The following OPCML variants were observed in gnomAD, a reference collection of about 807,000 sequenced individuals.
The protein encoded by OPCML is opioid binding protein/cell adhesion molecule like, also known as opioid-binding protein/cell adhesion molecule.
In OPCML, 13 loss-of-function variants were observed where a neutral mutation model predicts 37.8. That is an observed-to-expected ratio of 0.34 (90% CI 0.22 to 0.55). The LOEUF (loss-of-function observed/expected upper bound fraction) is 0.55, where lower values mean the gene tolerates loss of function less well. OPCML is among the 20% of genes least tolerant of loss of function. The pLI, the probability that OPCML is intolerant of heterozygous loss-of-function variation, is 0.91. For synonymous variants in OPCML, 176 were observed against 168.8 expected, an observed-to-expected ratio of 1.04 and a Z score of -0.33; for missense variants, 341 against 435.6, an observed-to-expected ratio of 0.78 and a Z score of 1.93.
At chr11:133,078,759 G>C (rs760763294) in intron 1 of OPCML, among the ~76,000 whole-genome samples, 22 of 152,098 alleles carry the variant, frequency 1.4e-4, no homozygotes, top group Non-Finnish European at 2.8e-4. Context: ...AGGCACAAGA[G>C]GGCGCTCCGT....
At chr11:132,730,564 G>A (rs974596875) in intron 2 of OPCML, among the ~76,000 whole-genome samples, 1 of 152,270 alleles carries the variant, frequency 6.6e-6, no homozygotes, top group East Asian at 1.9e-4. Flanking sequence ...CCCTGGAGAA[G>A]CACCTGAGTG....
intron 2 of OPCML, among the ~76,000 whole-genome samples, chr11:132,680,030 A>G (rs1942871311): frequency 6.6e-6 from 1 of 152,168 alleles, no homozygotes; most frequent in South Asian, 2.1e-4. Context: ...TTGTGAATGC[A>G]AGATGCTTTA....
At chr11:132,834,339 G>A (rs904576302) in intron 2 of OPCML, among the ~76,000 whole-genome samples, 2 of 152,164 alleles carry the variant, frequency 1.3e-5, no homozygotes, top group Non-Finnish European at 2.9e-5. Context: ...TCCCTCCCCA[G>A]TCCGCGAATG....
chr11:132,505,560 A>G (rs2137147793), intron 4 of OPCML, among the ~76,000 whole-genome samples: 1 of 152,302 alleles, frequency 6.6e-6, no homozygotes, highest in Non-Finnish European at 1.5e-5. Context: ...CGAAGAAGAA[A>G]AGTTGTTGAG....
chr11:132,600,062 A>T (rs954942130), intron 3 of OPCML, among the ~76,000 whole-genome samples: 2 of 152,202 alleles, frequency 1.3e-5, no homozygotes, highest in Non-Finnish European at 1.5e-5. Flanking sequence ...TATGGGCAGG[A>T]TCTGGAGCCC....
chr11:133,272,605 G>T (rs1021317841), intron 1 of OPCML, among the ~76,000 whole-genome samples: 1 of 152,196 alleles, frequency 6.6e-6, no homozygotes. Context: ...TCGGGGCAGG[G>T]TATGAGGCAA....
In OPCML at chr11:132,418,680, T is replaced by G. The variant is rs1340466823; in HGVS notation, c.*1513A>C. ...TTTACTGGATAGTTTTCAAACAGAT[T>G]AAACCAGAACTGGAGCAGAAAGGAG... is the stretch of plus-strand genomic sequence containing the variant. On this transcript the variant is annotated 3_prime_UTR_variant, in exon 8 of 8. Transcript: ENST00000524381. The G allele has an allele frequency of 6.6e-6, 1 of 152,478 alleles. No homozygotes were observed. The highest frequency in any genetic ancestry group is 1.5e-5 in the Non-Finnish European group (1 of 68,050). 9.4% of individuals were successfully genotyped at this position (152,478 alleles called of 1,614,324 possible). A position where few individuals can be genotyped will look rare whatever the true frequency, so the allele number is the denominator to read the frequency against.
chr11:132,938,611 A>G, intron 2 of OPCML, among the ~76,000 whole-genome samples: 1 of 152,184 alleles, frequency 6.6e-6, no homozygotes, highest in East Asian at 1.9e-4. Flanking sequence ...CAGTTATAAT[A>G]GATATTGTTC....
At chr11:133,002,648 G>C (rs900183030) in intron 1 of OPCML, among the ~76,000 whole-genome samples, 1 of 152,090 alleles carries the variant, frequency 6.6e-6, no homozygotes, top group African/African-American at 2.4e-5. Context: ...ATAATCATAA[G>C]GCTATTCTTC....
chr11:133,106,322 A>G (rs753292614), intron 1 of OPCML, among the ~76,000 whole-genome samples: 9 of 152,252 alleles, frequency 5.9e-5, no homozygotes, highest in Non-Finnish European at 1.3e-4. Flanking sequence ...CTAGAAGGCA[A>G]GCATTGCACC....
chr11:133,427,260 T>A (rs79421202), intron 1 of OPCML, among the ~76,000 whole-genome samples: 4 of 152,082 alleles, frequency 2.6e-5, no homozygotes, highest in Middle Eastern at 6.8e-3. Flanking sequence ...ACTGATCACA[T>A]TTTTTGACCA....
rs1232157598 is a variant in OPCML at position 133,206,081 on chromosome 11, T to A, written c.62-263071A>T. 6.6e-6 allele frequency among the ~76,000 whole-genome samples: 1 copy of A among 152,252 alleles called. No homozygotes were observed. Among genetic ancestry groups the A allele is most frequent in the Non-Finnish European group, 1.5e-5 (1 of 68,052 alleles). On this transcript the variant is annotated intron_variant, in intron 1 of 7. Transcript: ENST00000524381. The surrounding 1 kb of genome is among the most constrained non-coding windows in gnomAD (Gnocchi z 4.7). ...CATGTCTAGTGCCTACAGTTAACAT[T>A]TAATAATAACTGTATTATTCTGTAA...
intron 1 of OPCML, among the ~76,000 whole-genome samples, chr11:132,993,363 G>A (rs912264087): frequency 6.6e-6 from 1 of 152,166 alleles, no homozygotes; most frequent in African/African-American, 2.4e-5. Flanking sequence ...TAGGAACACA[G>A]AAGGGAAAGC....
intron 1 of OPCML, among the ~76,000 whole-genome samples, chr11:133,333,652 A>AACTT (rs1316606414): frequency 6.6e-6 from 1 of 152,242 alleles, no homozygotes; most frequent in African/African-American, 2.4e-5. Flanking sequence ...GATCTAATTA[A>AACTT]ACTTAAGAGC....
At chr11:132,671,714 G>T (rs938381544) in intron 2 of OPCML, among the ~76,000 whole-genome samples, 1 of 151,942 alleles carries the variant, frequency 6.6e-6, no homozygotes, top group Non-Finnish European at 1.5e-5. Context: ...AACTTGTAAG[G>T]GTTTAAGAAG....
intron 2 of OPCML, 136 bp downstream of exon 2, chr11:132,942,790 C>G: frequency 8.9e-7 from 1 of 1,126,152 alleles, no homozygotes; most frequent in Non-Finnish European, 1.3e-6. Context: ...CGGCAGCACG[C>G]AAGCGGGCGC....
chr11:132,862,934 C>CA (rs1942368632), intron 2 of OPCML, among the ~76,000 whole-genome samples: 1 of 152,180 alleles, frequency 6.6e-6, no homozygotes, highest in African/African-American at 2.4e-5. Flanking sequence ...CCTTATCTGG[C>CA]ATGGTTACAC....
At chr11:133,121,299 C>T (rs1452651347) in intron 1 of OPCML, among the ~76,000 whole-genome samples, 1 of 152,218 alleles carries the variant, frequency 6.6e-6, no homozygotes, top group Non-Finnish European at 1.5e-5. Flanking sequence ...AGAGTCACTT[C>T]CTCTGTCTGG....
chr11:132,920,840 G>C (rs1376697746), intron 2 of OPCML, among the ~76,000 whole-genome samples: 1 of 152,052 alleles, frequency 6.6e-6, no homozygotes, highest in Non-Finnish European at 1.5e-5. Context: ...GTCATGTCAC[G>C]GCCTGGCCGG....
Sources: allele counts gnomAD v4.1 joint callset (sites outside exome capture counted in the v4.1 genomes callset), GRCh38; gene constraint gnomAD v4.1.1; non-coding constraint Gnocchi (gnomAD v3.1); transcripts MANE v1.5; gene names NCBI Gene and HGNC (gene_info 2026-07-23, HGNC 2026-07-21).